The following NAV2 variants were observed in gnomAD, a reference collection of about 807,000 sequenced individuals.
The protein encoded by NAV2 is neuron navigator 2, also known as helicase, APC down-regulated 1.
A neutral mutation model predicts 223.2 loss-of-function variants in NAV2; 54 were observed. The ratio of observed to expected loss-of-function variants is 0.24; its 90% CI spans 0.19 to 0.30. NAV2 has a LOEUF of 0.30. Among genes scored for constraint, NAV2 ranks in the 10% least tolerant of loss-of-function variants. The pLI is 1.00. For missense variants in NAV2, 2,806 were observed against 3,147.5 expected (o/e 0.89, Z 2.60); for synonymous variants, 1,279 against 1,239.3 (o/e 1.03, Z -0.67).
intron 19 of NAV2, among the ~76,000 whole-genome samples, chr11:20,060,336 G>A (rs945844578): frequency 9.2e-5 from 14 of 152,240 alleles, no homozygotes; most frequent in African/African-American, 2.9e-4. Flanking sequence ...TGTCTGTGTC[G>A]TAAGCTGAAT....
At chr11:19,926,654 AC>A (rs1381775590) in intron 6 of NAV2, among the ~76,000 whole-genome samples, 12 of 151,144 alleles carry the variant, frequency 7.9e-5, no homozygotes, top group South Asian at 2.1e-4. Flanking sequence ...AAAAAAAAAA[AC>A]AAAAAAAACT....
At chr11:19,356,621 C>G (rs77457249) in intron 1 of NAV2, among the ~76,000 whole-genome samples, 1 of 152,122 alleles carries the variant, frequency 6.6e-6, no homozygotes, top group Non-Finnish European at 1.5e-5. Flanking sequence ...GAAAGGCACA[C>G]TGAAGAGAGA....
intron 10 of NAV2, among the ~76,000 whole-genome samples, chr11:19,955,163 T>A (rs1207758196): frequency 1.3e-5 from 2 of 152,082 alleles, no homozygotes; most frequent in Non-Finnish European, 2.9e-5. Context: ...TCCCAGCACT[T>A]TGGGAGGCTG....
intron 1 of NAV2, among the ~76,000 whole-genome samples, chr11:19,522,458 T>G (rs2134339664): frequency 6.6e-6 from 1 of 152,252 alleles, no homozygotes; most frequent in African/African-American, 2.4e-5. Flanking sequence ...TTCAAGAGGC[T>G]CATAGTGTCA....
intron 1 of NAV2, among the ~76,000 whole-genome samples, chr11:19,671,613 G>C (rs1223515157): frequency 1.3e-5 from 2 of 152,142 alleles, no homozygotes; most frequent in African/African-American, 4.8e-5. Flanking sequence ...TCCTGCACAA[G>C]ACTGAGTTTC....
chr11:19,654,310 T>C (rs1458450271), intron 1 of NAV2, among the ~76,000 whole-genome samples: 1 of 152,120 alleles, frequency 6.6e-6, no homozygotes, highest in Non-Finnish European at 1.5e-5. Context: ...AAAATGGCCA[T>C]ACTGCCAAAG....
At chr11:19,486,236 G>A (rs184957882) in intron 1 of NAV2, among the ~76,000 whole-genome samples, 104 of 152,260 alleles carry the variant, frequency 6.8e-4, no homozygotes, top group Admixed American at 2.7e-3. Flanking sequence ...CCCGGAAACA[G>A]GAAGGTCTTA....
intron 1 of NAV2, among the ~76,000 whole-genome samples, chr11:19,432,971 C>G (rs1851087832): frequency 6.6e-6 from 1 of 152,202 alleles, no homozygotes; most frequent in Non-Finnish European, 1.5e-5. Context: ...TAACCCCATT[C>G]CTTTCCATAT....
chr11:19,784,726 A>G (rs2056983070), intron 1 of NAV2, among the ~76,000 whole-genome samples: 1 of 152,154 alleles, frequency 6.6e-6, no homozygotes, highest in Non-Finnish European at 1.5e-5. Context: ...TTCCACCACT[A>G]TCTGTGAGAT....
At chr11:19,969,056 G>A (rs763611899) in intron 10 of NAV2, among the ~76,000 whole-genome samples, 7 of 152,272 alleles carry the variant, frequency 4.6e-5, no homozygotes, top group Admixed American at 1.3e-4. Flanking sequence ...CATCCACACA[G>A]TTTGTGCCAC....
chr11:19,984,068 G>A, intron 10 of NAV2, 57 bp from the exon 11 acceptor site: 5 of 1,611,332 alleles, frequency 3.1e-6, no homozygotes, highest in Non-Finnish European at 4.2e-6. Flanking sequence ...ATGAATGCAA[G>A]CCTGGAAGCC....
chr11:19,948,089 T>A (rs903657299), intron 9 of NAV2, among the ~76,000 whole-genome samples: 2 of 152,100 alleles, frequency 1.3e-5, no homozygotes, highest in South Asian at 4.1e-4. Flanking sequence ...TTCTTATTTT[T>A]TTTTTTGCCG....
chr11:19,477,735 A>G (rs1044702258), intron 1 of NAV2, among the ~76,000 whole-genome samples: 2 of 152,176 alleles, frequency 1.3e-5, no homozygotes, highest in Non-Finnish European at 2.9e-5. Flanking sequence ...ATCTCATTTT[A>G]TCTTCATGGC....
At chr11:19,501,420 C>T (rs1380585179) in intron 1 of NAV2, among the ~76,000 whole-genome samples, 1 of 151,964 alleles carries the variant, frequency 6.6e-6, no homozygotes, top group Non-Finnish European at 1.5e-5. Flanking sequence ...ACCTGCCTAC[C>T]TTTCTTCTTC....
chr11:19,410,663 A>G (rs1018741581), intron 1 of NAV2, among the ~76,000 whole-genome samples: 5 of 152,174 alleles, frequency 3.3e-5, no homozygotes, highest in Non-Finnish European at 5.9e-5. Context: ...AACATAACTA[A>G]TGAAGGTATA....
At chr11:19,449,002 T>C (rs1851690554) in intron 1 of NAV2, among the ~76,000 whole-genome samples, 2 of 152,212 alleles carry the variant, frequency 1.3e-5, no homozygotes, top group Admixed American at 1.3e-4. Flanking sequence ...CTATTTTTTT[T>C]TTAAACTGTG....
chr11:19,846,896 T>C (rs1405616380), intron 3 of NAV2, among the ~76,000 whole-genome samples: 1 of 152,220 alleles, frequency 6.6e-6, no homozygotes, highest in Non-Finnish European at 1.5e-5. Flanking sequence ...TTGCCCTGTT[T>C]CAGTCTGACC....
intron 5 of NAV2, among the ~76,000 whole-genome samples, chr11:19,888,266 A>G (rs900582206): frequency 2.6e-5 from 4 of 152,092 alleles, no homozygotes; most frequent in African/African-American, 7.2e-5. Flanking sequence ...AGCTATTGGG[A>G]CTTTCTGGTG....
At chr11:19,849,008 G>T (rs547174299) in intron 3 of NAV2, among the ~76,000 whole-genome samples, 1 of 152,132 alleles carries the variant, frequency 6.6e-6, no homozygotes, top group African/African-American at 2.4e-5. Context: ...ACAACACCTC[G>T]CAGGGTTACC....
Sources: allele counts gnomAD v4.1 joint callset (sites outside exome capture counted in the v4.1 genomes callset), GRCh38; gene constraint gnomAD v4.1.1; transcripts MANE v1.5; gene names NCBI Gene and HGNC (gene_info 2026-07-23, HGNC 2026-07-21).